TMEM225B: variants seen among roughly 807,000 people sequenced by gnomAD.
TMEM225B encodes transmembrane protein 225-like.
TMEM225B carries 10 observed loss-of-function variants against 16.9 expected under a neutral mutation model. The observed-to-expected ratio is 0.59, with a 90% CI of 0.36 to 1.00. TMEM225B has a LOEUF of 1.00. TMEM225B is among the 50% of genes least tolerant of loss of function. The pLI, the probability that TMEM225B is intolerant of heterozygous loss-of-function variation, is 0.01. For synonymous variants in TMEM225B, 92 were observed against 109.8 expected (o/e 0.84, Z 1.01); for missense variants, 217 against 267.0 (o/e 0.81, Z 1.30).
At chr7:99,598,967 T>G (rs978708038) in intron 1 of TMEM225B, among the ~76,000 whole-genome samples, 2 of 152,084 alleles carry the variant, frequency 1.3e-5, no homozygotes, top group Admixed American at 1.3e-4. Context: ...TCCTTTCTGT[T>G]TTTTGAGACG....
chr7:99,599,289 A>G (rs1805139407), intron 1 of TMEM225B, among the ~76,000 whole-genome samples: 1 of 152,126 alleles, frequency 6.6e-6, no homozygotes, highest in African/African-American at 2.4e-5. Flanking sequence ...GGTCCTTTAA[A>G]AAATAATAAT....
rs1326856025 is a variant in TMEM225B, at chr7:99,610,580, T to A, written c.*15T>A. Reference sequence around the variant, plus strand: ...CAGTCATCTAGCCCAGGACATGGCTTCTTTACCCTTCTTCAAGCCATGTGA... The same window carrying A: ...CAGTCATCTAGCCCAGGACATGGCTACTTTACCCTTCTTCAAGCCATGTGA... On this transcript the variant is annotated 3_prime_UTR_variant, in exon 6 of 6. Transcript: ENST00000431679. The A allele has an allele frequency of 6.5e-7, 1 of 1,535,284 alleles. No individual in the cohort carries two copies. Among genetic ancestry groups the A allele is most frequent in the Admixed American group, 2.0e-5 (1 of 50,970 alleles).
intron 2 of TMEM225B, among the ~76,000 whole-genome samples, chr7:99,600,673 TG>T (rs1168908454): frequency 6.6e-6 from 1 of 152,136 alleles, no homozygotes; most frequent in Non-Finnish European, 1.5e-5. Context: ...GAGAACCGTA[TG>T]GGGGAAACTG....
Position 99,606,767 on chromosome 7 carries a change from G to A in TMEM225B, c.228G>A (p.Arg76=). 6.5e-7 allele frequency: 1 copy of A among 1,536,018 alleles called. No homozygotes were observed. Among genetic ancestry groups the A allele is most frequent in the Non-Finnish European group, 8.7e-7 (1 of 1,146,884 alleles). The change falls in exon 4 of 6, where the codon CGG becomes CGA. Residue 76 remains arginine, a synonymous_variant. Transcript: ENST00000431679. The part of the protein sequence containing the change: ...RPLSIYIILG[R]VFLLSAVFLA... ...CTGCAGTTTACATCATCCTCGGCCGGGTTTTCCTGCTCTCTGCAGTTTTCT... is the reference window on the plus strand; with the variant it reads ...CTGCAGTTTACATCATCCTCGGCCGAGTTTTCCTGCTCTCTGCAGTTTTCT...
Position 99,600,240 on chromosome 7 carries a change from A to C in TMEM225B, c.-49A>C, listed in dbSNP as rs1230706826. 1.4e-6 allele frequency: 1 copy of C among 702,760 alleles called. No homozygotes were observed. Among genetic ancestry groups the C allele is most frequent in the South Asian group, 1.5e-5 (1 of 67,594 alleles). 43.5% of individuals were successfully genotyped at this position (702,760 alleles called of 1,614,324 possible). ...AGCCTCTGAGTTCCTGCCTTTTTTC[A>C]TCTCTGAATCCCCACCATTGGCCTA... is the stretch of plus-strand genomic sequence containing the variant. On this transcript the variant is annotated 5_prime_UTR_variant, in exon 2 of 6. Transcript: ENST00000431679.
chr7:99,608,166 A>C (rs1805983429), intron 5 of TMEM225B, among the ~76,000 whole-genome samples: 1 of 152,172 alleles, frequency 6.6e-6, no homozygotes, highest in South Asian at 2.1e-4. Context: ...GAGGCAGGAG[A>C]ATCGCTTGAA....
intron 5 of TMEM225B, among the ~76,000 whole-genome samples, chr7:99,609,774 GC>G (rs1562957157): frequency 1.3e-5 from 2 of 150,516 alleles, no homozygotes; most frequent in African/African-American, 2.4e-5. Flanking sequence ...TTGCTCTGTC[GC>G]CCAGGCTGGA....
intron 2 of TMEM225B, among the ~76,000 whole-genome samples, chr7:99,603,022 A>G (rs973371375): frequency 6.6e-6 from 1 of 152,180 alleles, no homozygotes; most frequent in African/African-American, 2.4e-5. Context: ...GACTGGCCAC[A>G]AAAGGAGACA....
chr7:99,604,249 G>C (rs1805602670), intron 2 of TMEM225B, 137 bp from the exon 3 acceptor site: 1 of 635,848 alleles, frequency 1.6e-6, no homozygotes, highest in East Asian at 2.7e-5. Context: ...GTTAAGCAAA[G>C]AAATCATCAT....
At position 99,607,727 on chromosome 7, in the gene TMEM225B, G is replaced by A. The variant is rs568103209; in HGVS notation, c.410G>A (p.Arg137Lys). 8.9e-5 allele frequency: 137 copies of A among 1,536,134 alleles called. No homozygotes were observed. In the African/African-American group the frequency reaches 1.3e-3, roughly 15 times the overall value. The change falls in exon 5 of 6, where the codon AGG (arginine) becomes AAG (lysine). Residue 137 changes from arginine to lysine, a missense_variant. Physicochemically the swap from Arg to Lys is conservative, Grantham distance 26. Transcript: ENST00000431679. The stretch of plus-strand genomic sequence containing the variant: ...CATGCCCTGGAGATCAAGGCTCTGA[G>A]GATGAAGCTCGGCCCCCTGCAGTTC... ...VLHALEIKAL[R>K]MKLGPLQFSV...
intron 3 of TMEM225B, 93 bp from the exon 4 acceptor site, chr7:99,606,655 G>A: frequency 8.2e-7 from 1 of 1,214,966 alleles, no homozygotes; most frequent in Non-Finnish European, 1.1e-6. Flanking sequence ...GGTGGTGGAG[G>A]CTCCGGGGGC....
chr7:99,604,200 T>TG lies in TMEM225B; in HGVS notation c.-3-186_-3-185insG, dbSNP rs1805596969. ...TAGCGACAGAAAGCATTTTATGCAT[T>TG]TTTTTTTTGGTCTGCTGCAGAGGTG... On this transcript the variant is annotated intron_variant, in intron 2 of 5. Coordinates refer to ENST00000431679, the MANE Select transcript of TMEM225B (RefSeq NM_001195541.3). 2.6e-5 allele frequency among the ~76,000 whole-genome samples: 4 copies of TG among 151,076 alleles called. No homozygotes were observed. In the South Asian group the frequency reaches 8.3e-4, roughly 32 times the overall value.
chr7:99,600,294 A>C lies in TMEM225B; in HGVS notation c.-4+9A>C, dbSNP rs1379093639. 2.8e-6 allele frequency: 2 copies of C among 702,764 alleles called. No homozygotes were observed. Among genetic ancestry groups the C allele is most frequent in the Non-Finnish European group, 5.2e-6 (2 of 384,968 alleles). The allele number at this position is 702,764 out of a possible 1,614,324, so 43.5% of individuals were successfully genotyped here. On this transcript the variant is annotated intron_variant, in intron 2 of 5. Transcript: ENST00000431679. ...TGGGAGTGGGGCGACCTGTAAGTGCACAGTGAATTTTTGCTGAGGGAGTGG... is the reference window on the plus strand; with the variant it reads ...TGGGAGTGGGGCGACCTGTAAGTGCCCAGTGAATTTTTGCTGAGGGAGTGG...
At chr7:99,609,942 GC>G (rs141639818) in intron 5 of TMEM225B, among the ~76,000 whole-genome samples, 209 of 152,050 alleles carry the variant, frequency 1.4e-3, no homozygotes, top group African/African-American at 4.8e-3. Context: ...TTGCTATGTC[GC>G]CCATGATGAG....
At chr7:99,604,033 G>A (rs1805581999) in intron 2 of TMEM225B, among the ~76,000 whole-genome samples, 2 of 152,128 alleles carry the variant, frequency 1.3e-5, no homozygotes, top group South Asian at 4.1e-4. Context: ...GGGATTGCAG[G>A]TGTGAACCAC....
In TMEM225B at chr7:99,610,399, T is replaced by C; in HGVS notation, c.500T>C (p.Ile167Thr). Reference protein sequence around the residue: ...GIFLFIVAGTICLIQEMVCPC... With the variant: ...GIFLFIVAGTTCLIQEMVCPC... ...AACGTTGGCTGTTCCCTAGGTACCATCTGCCTCATTCAAGAAATGGTTTGC... is the reference window on the plus strand; with the variant it reads ...AACGTTGGCTGTTCCCTAGGTACCACCTGCCTCATTCAAGAAATGGTTTGC... The change falls in exon 6 of 6, where the codon ATC becomes ACC. Residue 167 changes from isoleucine (I) to threonine (T), a missense_variant. By Grantham distance (89) the Ile-to-Thr change is moderately conservative (BLOSUM62 -1). Coordinates refer to ENST00000431679, the MANE Select transcript of TMEM225B (RefSeq NM_001195541.3). 2.6e-6 allele frequency: 4 copies of C among 1,535,442 alleles called. No homozygotes were observed. Among genetic ancestry groups the C allele is most frequent in the South Asian group, 1.2e-5 (1 of 84,030 alleles).
intron 2 of TMEM225B, among the ~76,000 whole-genome samples, 177 bp downstream of exon 2, chr7:99,600,462 G>C (rs977249263): frequency 6.6e-6 from 1 of 152,114 alleles, no homozygotes; most frequent in South Asian, 2.1e-4. Flanking sequence ...TGCTAATAAA[G>C]ACATACCCAA....
Position 99,606,800 on chromosome 7 carries a change from C to A in TMEM225B, c.261C>A (p.Phe87Leu). ...VFLLSAVFLAFVTTFIMMPFA... is the reference protein window; with the variant it reads ...VFLLSAVFLALVTTFIMMPFA... ...TGCTCTCTGCAGTTTTCTTGGCTTTCGTCACCACCTTCATCATGATGCCCT... is the reference window on the plus strand; with the variant it reads ...TGCTCTCTGCAGTTTTCTTGGCTTTAGTCACCACCTTCATCATGATGCCCT... The change falls in exon 4 of 6, where the codon TTC becomes TTA. Residue 87 changes from phenylalanine (F) to leucine (L), a missense_variant. Coordinates refer to ENST00000431679, the MANE Select transcript of TMEM225B (RefSeq NM_001195541.3). The A allele has an allele frequency of 6.5e-7, 1 of 1,536,108 alleles. No homozygotes were observed. The highest frequency in any genetic ancestry group is 8.7e-7 in the Non-Finnish European group (1 of 1,146,892).
Position 99,607,679 on chromosome 7 carries a change from G to GTGCCTTC in TMEM225B, c.363_369dup (p.Leu124CysfsTer135). 1.3e-6 allele frequency: 2 copies of GTGCCTTC among 1,535,790 alleles called. No individual in the cohort carries two copies. Among genetic ancestry groups the GTGCCTTC allele is most frequent in the Non-Finnish European group, 1.7e-6 (2 of 1,146,732 alleles). On this transcript the variant is annotated frameshift_variant, in exon 5 of 6. Coordinates refer to ENST00000431679, the MANE Select transcript of TMEM225B (RefSeq NM_001195541.3). LOFTEE classifies it high-confidence loss of function. Reference sequence around the variant, plus strand: ...TCTCCCTGTGACCCTCCAGGGGCCTGTGCCTTCCTGGCTTTGGTGCTGCAT... The same window carrying GTGCCTTC: ...TCTCCCTGTGACCCTCCAGGGGCCTGTGCCTTCTGCCTTCCTGGCTTTGGTGCTGCAT...
Sources: allele counts gnomAD v4.1 joint callset (sites outside exome capture counted in the v4.1 genomes callset), GRCh38; gene constraint gnomAD v4.1.1; transcripts MANE v1.5; gene names NCBI Gene and HGNC (gene_info 2026-07-23, HGNC 2026-07-21).